CREB5: variants seen among roughly 807,000 people sequenced by gnomAD.
CREB5 encodes cyclic AMP-responsive element-binding protein 5.
CREB5 carries 19 observed loss-of-function variants against 57.1 expected under a neutral mutation model. That is an observed-to-expected ratio of 0.33 (90% CI 0.23 to 0.49). The LOEUF (loss-of-function observed/expected upper bound fraction) is 0.49. Among genes scored for constraint, CREB5 ranks in the 20% least tolerant of loss-of-function variants. The pLI, the probability that CREB5 is intolerant of heterozygous loss-of-function variation, is 0.99. For missense variants in CREB5, 579 were observed against 671.6 expected, an observed-to-expected ratio of 0.86 and a Z score of 1.52; for synonymous variants, 238 against 238.3, an observed-to-expected ratio of 1.00 and a Z score of 0.01.
intron 7 of CREB5, among the ~76,000 whole-genome samples, chr7:28,793,351 C>G (rs1807839005): frequency 6.6e-6 from 1 of 152,200 alleles, no homozygotes; most frequent in Non-Finnish European, 1.5e-5. Flanking sequence ...AGTCAACTTA[C>G]CCTATCATTA....
intron 4 of CREB5, among the ~76,000 whole-genome samples, chr7:28,537,109 G>A (rs1448483548): frequency 5.3e-5 from 8 of 152,230 alleles, no homozygotes; most frequent in Admixed American, 5.2e-4. Flanking sequence ...TAAGGAAACT[G>A]AGATTTAGAG....
intron 1 of CREB5, among the ~76,000 whole-genome samples, chr7:28,432,602 A>C (rs544901454): frequency 6.6e-6 from 1 of 152,158 alleles, no homozygotes; most frequent in South Asian, 2.1e-4. Flanking sequence ...CTTAAGTCTT[A>C]ACGCTGGAAT....
chr7:28,485,673 G>T (rs1162414467), intron 1 of CREB5, among the ~76,000 whole-genome samples: 2 of 152,088 alleles, frequency 1.3e-5, no homozygotes, highest in African/African-American at 4.8e-5. Context: ...TAAATGATCT[G>T]GCAATGGTCA....
intron 5 of CREB5, among the ~76,000 whole-genome samples, chr7:28,688,186 A>C (rs937705561): frequency 9.9e-5 from 15 of 152,160 alleles, no homozygotes; most frequent in Admixed American, 7.2e-4. Context: ...TGGCAAAAAA[A>C]CAAACATGGT....
intron 7 of CREB5, among the ~76,000 whole-genome samples, chr7:28,753,014 A>C (rs181491580): frequency 6.6e-6 from 1 of 152,196 alleles, no homozygotes; most frequent in African/African-American, 2.4e-5. Flanking sequence ...GGCTAAGAGG[A>C]TATCAATTAT....
intron 4 of CREB5, among the ~76,000 whole-genome samples, chr7:28,524,307 C>A (rs1481089625): frequency 7.4e-6 from 1 of 135,976 alleles, no homozygotes; most frequent in Non-Finnish European, 1.6e-5. Context: ...TGAAACCTCG[C>A]CTCTACTAAA....
chr7:28,818,218 T>C (rs768937585), intron 10 of CREB5, 39 bp downstream of exon 10: 34 of 1,462,196 alleles, frequency 2.3e-5, no homozygotes, highest in Non-Finnish European at 2.9e-5. Flanking sequence ...TAGTGTCCAA[T>C]ATTTTTTGCC....
intron 1 of CREB5, among the ~76,000 whole-genome samples, chr7:28,300,797 C>T (rs752288525): frequency 3.9e-5 from 6 of 152,102 alleles, no homozygotes; most frequent in Admixed American, 2.0e-4. Context: ...TAAACTCTCA[C>T]GAAGGGCATT....
intron 1 of CREB5, among the ~76,000 whole-genome samples, chr7:28,377,160 A>G (rs1049293307): frequency 6.6e-6 from 1 of 152,120 alleles, no homozygotes; most frequent in Admixed American, 6.5e-5. Context: ...TTCCTAACAT[A>G]TAGGAATTGG....
At chr7:28,448,602 G>A (rs1217600179) in intron 1 of CREB5, among the ~76,000 whole-genome samples, 1 of 152,198 alleles carries the variant, frequency 6.6e-6, no homozygotes, top group African/African-American at 2.4e-5. Context: ...TTCAGATATT[G>A]AGGTGAATCT....
chr7:28,650,975 CCTTTTA>C (rs1799105009), intron 5 of CREB5, among the ~76,000 whole-genome samples: 1 of 152,000 alleles, frequency 6.6e-6, no homozygotes. Flanking sequence ...TAACAGAACG[CCTTTTA>C]CAGGTTATTT....
chr7:28,759,451 A>G (rs1279947628), intron 7 of CREB5, among the ~76,000 whole-genome samples: 1 of 152,190 alleles, frequency 6.6e-6, no homozygotes, highest in Admixed American at 6.5e-5. Context: ...CAATAGCCAG[A>G]GCAGATGTGC....
At chr7:28,743,838 C>CTTTTTTTTTTT (rs58302393) in intron 7 of CREB5, among the ~76,000 whole-genome samples, 44 of 76,000 alleles carry the variant, frequency 5.8e-4, no homozygotes, top group Middle Eastern at 0.013. Flanking sequence ...ATCTCCTTTT[C>CTTTTTTTTTTT]TTTTTTTTTT....
chr7:28,552,004 C>CTCTTTCTCTCTTTTCTTTCTCTCTT (rs3041144), intron 4 of CREB5, among the ~76,000 whole-genome samples: 1 of 143,888 alleles, frequency 6.9e-6, no homozygotes, highest in African/African-American at 2.7e-5. Flanking sequence ...TTTTCTCTCT[C>CTCTTTCTCTCTTTTCTTTCTCTCTT]TCTCTCTTTT....
Position 28,701,670 on chromosome 7 carries a change from A to G in CREB5, c.465-17083A>G, listed in dbSNP as rs553455765. 4.6e-5 allele frequency among the ~76,000 whole-genome samples: 7 copies of G among 152,332 alleles called. No homozygotes were observed. The South Asian group carries it at 1.2e-3, about 27-fold the overall frequency. Reference sequence around the variant, plus strand: ...TAGTCAGAAGGACACCTTCCATTCCAGCTGCCCAAGTTGTTCACATATGAC... The same window carrying G: ...TAGTCAGAAGGACACCTTCCATTCCGGCTGCCCAAGTTGTTCACATATGAC... On this transcript the variant is annotated intron_variant, in intron 5 of 10. Transcript: ENST00000357727.
intron 1 of CREB5, among the ~76,000 whole-genome samples, chr7:28,449,400 C>T (rs1003479744): frequency 3.3e-5 from 5 of 152,198 alleles, no homozygotes; most frequent in African/African-American, 9.6e-5. Context: ...ATTGCTTTCG[C>T]TATTGGCTGT....
At chr7:28,420,191 G>A (rs575525750) in intron 1 of CREB5, among the ~76,000 whole-genome samples, 3 of 152,174 alleles carry the variant, frequency 2.0e-5, no homozygotes, top group Admixed American at 2.0e-4. Context: ...CTTTGGAAGG[G>A]ACATTCTTAA....
intron 1 of CREB5, among the ~76,000 whole-genome samples, chr7:28,330,292 T>C (rs1392167838): frequency 6.6e-6 from 1 of 152,170 alleles, no homozygotes; most frequent in Non-Finnish European, 1.5e-5. Context: ...TATCTTGTCA[T>C]GTTACTCAAT....
intron 5 of CREB5, among the ~76,000 whole-genome samples, chr7:28,663,690 G>C (rs796958270): frequency 6.6e-6 from 1 of 152,124 alleles, no homozygotes; most frequent in African/African-American, 2.4e-5. Context: ...TATAATCCTA[G>C]TATTTATTTT....
Sources: gnomAD v4.1 joint callset for allele counts (sites outside exome capture counted in the v4.1 genomes callset) on GRCh38, gnomAD v4.1.1 for gene constraint, MANE v1.5 for transcripts, NCBI Gene and HGNC (gene_info 2026-07-23, HGNC 2026-07-21) for gene names.